The following EXT2 variants were observed in gnomAD, a reference collection of about 807,000 sequenced individuals.
EXT2 encodes exostosin-2.
In EXT2, 53 loss-of-function variants were observed where a neutral mutation model predicts 81.6. That is an observed-to-expected ratio of 0.65 (90% CI 0.52 to 0.82). The LOEUF (loss-of-function observed/expected upper bound fraction) is 0.82, where lower values mean the gene tolerates loss of function less well. Ranked by LOEUF, EXT2 falls within the 40% of genes least tolerant of loss-of-function variation. The probability of loss-of-function intolerance (pLI) is 0.00; values close to 1 mark genes in which losing one functional copy is unlikely to be tolerated. For missense variants in EXT2, 774 were observed against 910.2 expected (o/e 0.85, Z 1.93); for synonymous variants, 320 against 340.0 (o/e 0.94, Z 0.65).
chr11:44,174,524 T>C (rs896866944), intron 8 of EXT2, among the ~76,000 whole-genome samples: 6 of 152,058 alleles, frequency 3.9e-5, no homozygotes, highest in African/African-American at 1.4e-4. Flanking sequence ...TTTCTGATCT[T>C]ATAGTTCTTA....
intron 7 of EXT2, among the ~76,000 whole-genome samples, chr11:44,147,792 T>G (rs11037886): frequency 8.8e-5 from 13 of 148,306 alleles, no homozygotes; most frequent in African/African-American, 3.2e-4. Context: ...TTTTTTTTTG[T>G]AGCAAATTTG....
chr11:44,157,696 A>G (rs1452125909), intron 7 of EXT2, among the ~76,000 whole-genome samples: 1 of 152,010 alleles, frequency 6.6e-6, no homozygotes, highest in Non-Finnish European at 1.5e-5. Context: ...TAAGACCCCA[A>G]AGTCTACTTG....
At chr11:44,157,043 A>C (rs1346781003) in intron 7 of EXT2, among the ~76,000 whole-genome samples, 2 of 152,126 alleles carry the variant, frequency 1.3e-5, no homozygotes, top group Admixed American at 6.5e-5. Context: ...GTACTAGGCA[A>C]AGTCTCTTGT....
chr11:44,243,327 C>A (rs1229357996), intron 13 of EXT2, among the ~76,000 whole-genome samples: 1 of 152,194 alleles, frequency 6.6e-6, no homozygotes, highest in Non-Finnish European at 1.5e-5. Flanking sequence ...CATGCCTGAC[C>A]TGCTCACCTC....
At chr11:44,140,011 C>T (rs1040296950) in intron 7 of EXT2, among the ~76,000 whole-genome samples, 3 of 152,124 alleles carry the variant, frequency 2.0e-5, no homozygotes, top group Non-Finnish European at 2.9e-5. Flanking sequence ...TTTGCAGGTC[C>T]GGAACCTCGC....
intron 10 of EXT2, among the ~76,000 whole-genome samples, chr11:44,216,614 GT>G (rs1469649541): frequency 6.6e-6 from 1 of 152,120 alleles, no homozygotes; most frequent in East Asian, 1.9e-4. Flanking sequence ...CTTCCAGCAT[GT>G]TTTTCACAAA....
intron 8 of EXT2, among the ~76,000 whole-genome samples, chr11:44,189,583 T>C (rs771470664): frequency 2.0e-5 from 3 of 152,136 alleles, no homozygotes; most frequent in Non-Finnish European, 4.4e-5. Context: ...GGGGAGGTAC[T>C]ACACACTTCT....
In EXT2 at chr11:44,138,078, G is replaced by A. The variant is rs1446839871; in HGVS notation, c.1173+7940G>A. On this transcript the variant is annotated intron_variant, in intron 7 of 13. Transcript: ENST00000533608. Reference sequence around the variant, plus strand: ...TCAGATAGAGAGGGTGAACATCAGGGCACTGACTTCCACCAGGAGGTTCTG... The same window carrying A: ...TCAGATAGAGAGGGTGAACATCAGGACACTGACTTCCACCAGGAGGTTCTG... 3.9e-5 allele frequency among the ~76,000 whole-genome samples: 6 copies of A among 152,166 alleles called. No homozygotes were observed. The South Asian group carries it at 1.2e-3, about 32-fold the overall frequency.
Position 44,247,195 on chromosome 11 carries a change from G to A in EXT2, c.*2908G>A, listed in dbSNP as rs1001036346. Among the ~76,000 whole-genome samples, 6 of 149,544 alleles carry A rather than the reference G, an allele frequency of 4.0e-5. No homozygotes were observed. The highest frequency in any genetic ancestry group is 1.5e-4 in the African/African-American group (6 of 40,690). The stretch of plus-strand genomic sequence containing the variant: ...ATTAAAGAGAAAAACAGCAACTTTA[G>A]TTGTCAGAATCTTGTGTTCTTTCCT... On this transcript the variant is annotated 3_prime_UTR_variant, in exon 14 of 14. Transcript: ENST00000533608.
At chr11:44,101,424 G>A (rs1310834548) in intron 1 of EXT2, among the ~76,000 whole-genome samples, 1 of 152,182 alleles carries the variant, frequency 6.6e-6, no homozygotes, top group Admixed American at 6.5e-5. Context: ...GAGTAGGGAT[G>A]CTATTCAGCC....
rs1955587697 is a variant in EXT2, at chr11:44,206,787, T to C, written c.1496-6T>C. 1 of 1,613,964 alleles carries C rather than the reference T, an allele frequency of 6.2e-7. No homozygotes were observed. The highest frequency in any genetic ancestry group is 8.5e-7 in the Non-Finnish European group (1 of 1,179,920). ...AGAATAGTAAATACCTTTTCTCTTT[T>C]TCCAGATTCTCTCTGGCCCAAAATC... On this transcript the variant is annotated splice_region_variant and splice_polypyrimidine_tract_variant and intron_variant, in intron 9 of 13. Transcript: ENST00000533608.
chr11:44,220,498 G>A lies in EXT2; in HGVS notation c.1663-11855G>A, dbSNP rs1955770302. Among the ~76,000 whole-genome samples, 1 of 152,118 alleles carries A rather than the reference G, an allele frequency of 6.6e-6. No homozygotes were observed. The highest frequency in any genetic ancestry group is 2.1e-4 in the South Asian group (1 of 4,820). ...AGACTATTGTCTTTAGAAGAGAATG[G>A]GCCACAAACAGCTCATTTCTGTGAG... On this transcript the variant is annotated intron_variant, in intron 10 of 13. Coordinates refer to ENST00000533608, the MANE Select transcript of EXT2 (RefSeq NM_207122.2). This position sits in a 1 kb window ranked among gnomAD's most constrained non-coding sequence, Gnocchi z 4.4.
chr11:44,194,262 C>G (rs1224651158), intron 8 of EXT2, among the ~76,000 whole-genome samples: 2 of 152,066 alleles, frequency 1.3e-5, no homozygotes, highest in South Asian at 4.2e-4. Context: ...TATGTGCACA[C>G]TTTGTGTCAG....
intron 7 of EXT2, among the ~76,000 whole-genome samples, chr11:44,155,744 T>A (rs957929223): frequency 2.6e-5 from 4 of 152,216 alleles, no homozygotes; most frequent in Non-Finnish European, 5.9e-5. Flanking sequence ...TCTTTTAATC[T>A]TTCTACCCAA....
chr11:44,186,408 G>A (rs1955311686), intron 8 of EXT2, among the ~76,000 whole-genome samples: 1 of 152,182 alleles, frequency 6.6e-6, no homozygotes, highest in Admixed American at 6.5e-5. Context: ...ACTAATGGAA[G>A]CTGCAGCCAG....
chr11:44,202,304 G>T (rs1438811293), intron 9 of EXT2, among the ~76,000 whole-genome samples: 1 of 152,156 alleles, frequency 6.6e-6, no homozygotes, highest in Admixed American at 6.5e-5. Context: ...GCTGTCTATG[G>T]GTTGAATATG....
Position 44,245,442 on chromosome 11 carries a change from T to C in EXT2, c.*1155T>C, listed in dbSNP as rs964856715. 12 of 187,002 alleles carry C rather than the reference T, an allele frequency of 6.4e-5. No homozygotes were observed. The Admixed American group carries it at 6.8e-4, about 11-fold the overall frequency. 11.6% of individuals were successfully genotyped at this position (187,002 alleles called of 1,614,324 possible). ...TTACTAATACTGCACATGTGTGAAT[T>C]ATACCTCTTTAAGCCCAGTTGATGA... On this transcript the variant is annotated 3_prime_UTR_variant, in exon 14 of 14. Coordinates refer to ENST00000533608, the MANE Select transcript of EXT2 (RefSeq NM_207122.2).
chr11:44,219,435 T>C (rs972213695), intron 10 of EXT2, among the ~76,000 whole-genome samples: 5 of 151,982 alleles, frequency 3.3e-5, no homozygotes, highest in African/African-American at 9.7e-5. Context: ...GGAGAATCAC[T>C]TGAGTCTAGG....
chr11:44,161,038 A>G (rs980265597), intron 7 of EXT2, among the ~76,000 whole-genome samples: 5 of 152,138 alleles, frequency 3.3e-5, no homozygotes, highest in Admixed American at 2.6e-4. Context: ...TTTGTATGAT[A>G]ATTTGGCATA....
Sources: gnomAD v4.1 joint callset for allele counts (sites outside exome capture counted in the v4.1 genomes callset) on GRCh38, gnomAD v4.1.1 for gene constraint, Gnocchi (gnomAD v3.1) non-coding constraint, MANE v1.5 for transcripts, NCBI Gene and HGNC (gene_info 2026-07-23, HGNC 2026-07-21) for gene names.